Variants in MSH3 observed in about 807,000 individuals in gnomAD.
MSH3 encodes the protein mutS homolog 3.
Under a neutral mutation model 123.3 loss-of-function variants are expected in MSH3, and 106 were observed. The ratio of observed to expected loss-of-function variants is 0.86; its 90% CI spans 0.73 to 1.01. MSH3 has a LOEUF of 1.01. Among genes scored for constraint, MSH3 ranks in the 50% least tolerant of loss-of-function variants. MSH3 has a pLI of 0.00. For missense variants in MSH3, 1,459 were observed against 1,347.6 expected (o/e 1.08, Z -1.29); for synonymous variants, 515 against 481.4 (o/e 1.07, Z -0.91).
intron 8 of MSH3, among the ~76,000 whole-genome samples, chr5:80,708,121 G>A (rs1157601197): frequency 6.6e-6 from 1 of 152,106 alleles, no homozygotes. Context: ...TATGACCTTG[G>A]AACAACAGAA....
Position 80,748,093 on chromosome 5 carries a change from G to A in MSH3, c.1763+3478G>A, listed in dbSNP as rs551422768. Among the ~76,000 whole-genome samples the A allele has an allele frequency of 3.3e-5, 5 of 152,264 alleles. No homozygotes were observed. The East Asian group carries it at 7.7e-4, about 23-fold the overall frequency. On this transcript the variant is annotated intron_variant, in intron 12 of 23. Transcript: ENST00000265081. ...TCTGGTTTTCTTCTACAGTGAGATCGTAGAACAAATAATGGATGACGAGGG... is the reference window on the plus strand; with the variant it reads ...TCTGGTTTTCTTCTACAGTGAGATCATAGAACAAATAATGGATGACGAGGG...
intron 12 of MSH3, among the ~76,000 whole-genome samples, chr5:80,747,086 G>A (rs1743734816): frequency 6.6e-6 from 1 of 152,206 alleles, no homozygotes; most frequent in South Asian, 2.1e-4. Context: ...AGCAGACCTT[G>A]TAGAGCAGAC....
At position 80,783,880 on chromosome 5, in the gene MSH3, G is replaced by A. The variant is rs576092890; in HGVS notation, c.2436-3685G>A. Among the ~76,000 whole-genome samples, 8 of 152,202 alleles carry A rather than the reference G, an allele frequency of 5.3e-5. No homozygotes were observed. In the South Asian group the frequency reaches 1.0e-3, roughly 20 times the overall value. ...AGTAATTAGAACAAAGACAGCATAC[G>A]CCACAGTGCAAGAGGGCAACAAGTG... On this transcript the variant is annotated intron_variant, in intron 17 of 23. Coordinates refer to ENST00000265081, the MANE Select transcript of MSH3 (RefSeq NM_002439.5).
At chr5:80,660,443 A>T (rs1175968286) in intron 2 of MSH3, among the ~76,000 whole-genome samples, 1 of 152,142 alleles carries the variant, frequency 6.6e-6, no homozygotes, top group Admixed American at 6.5e-5. Context: ...CCCTACCACA[A>T]CACGTGGGAA....
intron 20 of MSH3, among the ~76,000 whole-genome samples, chr5:80,826,447 T>C (rs2112072603): frequency 6.6e-6 from 1 of 152,278 alleles, no homozygotes; most frequent in East Asian, 1.9e-4. Context: ...TTTAAATCTG[T>C]GGATTCCATA....
Position 80,654,961 on chromosome 5 carries a change from C to G in MSH3, c.234C>G (p.His78Gln), listed in dbSNP as rs1416322705. ...APAFPPQLPP[H>Q]IATEIDRRKK... ...CCTTCCCGCCCCAGCTGCCGCCGCA[C>G]ATAGTAGGTTCTGTCTGGGACTGGG... Residue 78 changes from histidine (H) to glutamine (Q), a missense_variant, in exon 1 of 24, where the codon CAC (histidine) becomes CAG (glutamine). Transcript: ENST00000265081. 6.8e-7 allele frequency: 1 copy of G among 1,475,340 alleles called. No individual in the cohort carries two copies. Among genetic ancestry groups the G allele is most frequent in the Non-Finnish European group, 9.0e-7 (1 of 1,113,644 alleles). The allele number at this position is 1,475,340 out of a possible 1,614,324, so 91.4% of individuals were successfully genotyped here.
chr5:80,655,788 A>G (rs1749267327), intron 1 of MSH3, among the ~76,000 whole-genome samples: 1 of 152,168 alleles, frequency 6.6e-6, no homozygotes, highest in South Asian at 2.1e-4. Context: ...CTCCCTTAAA[A>G]TGATTACTCC....
At position 80,654,723 on chromosome 5, in the gene MSH3, C is replaced by G. The variant is rs781771195; in HGVS notation, c.-5C>G. ...CTGCCGCCGGGCTGCCATCCTTGCC[C>G]TGCCATGTCTCGCCGGAAGCCTGCG... is the stretch of plus-strand genomic sequence containing the variant. On this transcript the variant is annotated 5_prime_UTR_variant, in exon 1 of 24. Transcript: ENST00000265081. 1.9e-6 allele frequency: 3 copies of G among 1,596,048 alleles called. No homozygotes were observed. Among genetic ancestry groups the G allele is most frequent in the Non-Finnish European group, 2.6e-6 (3 of 1,173,600 alleles).
At chr5:80,736,289 A>G (rs2112863444) in intron 10 of MSH3, among the ~76,000 whole-genome samples, 1 of 151,342 alleles carries the variant, frequency 6.6e-6, no homozygotes, top group East Asian at 1.9e-4. Context: ...AGACACTAAG[A>G]AAATGATACT....
Position 80,679,066 on chromosome 5 carries a change from C to T in MSH3, c.1313C>T (p.Ala438Val), listed in dbSNP as rs35121792. 559 of 1,613,994 alleles carry T rather than the reference C, an allele frequency of 3.5e-4. 5 individuals are homozygous for T. The African/African-American group carries it at 4.6e-3, about 13-fold the overall frequency. The change falls in exon 8 of 24, where the codon GCG becomes GTG. Residue 438 changes from alanine (A) to valine (V), a missense_variant. Physicochemically the swap from Ala to Val is moderately conservative, Grantham distance 64. Transcript: ENST00000265081. ...TCGGCCTTGTCCGAGCAAACAGAGG[C>T]GCTCATCCACAGAGCCACATCTGTT... ...LPSALSEQTE[A>V]LIHRATSVSV... is the part of the protein sequence containing the mutation.
chr5:80,815,532 G>C (rs1745085884), intron 20 of MSH3, among the ~76,000 whole-genome samples: 1 of 152,128 alleles, frequency 6.6e-6, no homozygotes, highest in Non-Finnish European at 1.5e-5. Context: ...GCTGGAGGTG[G>C]GTAGCTACTT....
chr5:80,814,217 A>G (rs983031440), intron 20 of MSH3, among the ~76,000 whole-genome samples: 2 of 151,988 alleles, frequency 1.3e-5, no homozygotes, highest in African/African-American at 4.8e-5. Flanking sequence ...TTAAGAGTTA[A>G]TTTTGTCCAA....
intron 8 of MSH3, among the ~76,000 whole-genome samples, chr5:80,722,830 C>T (rs1007513477): frequency 3.9e-5 from 6 of 152,146 alleles, no homozygotes; most frequent in Admixed American, 1.3e-4. Context: ...AAGGGCTGGG[C>T]GCAATGGCTC....
At chr5:80,821,231 GT>G (rs1274941647) in intron 20 of MSH3, among the ~76,000 whole-genome samples, 1 of 152,124 alleles carries the variant, frequency 6.6e-6, no homozygotes, top group Non-Finnish European at 1.5e-5. Flanking sequence ...TTTGGACTCA[GT>G]TATTTCAGTG....
At chr5:80,777,424 A>T (rs1242927957) in intron 16 of MSH3, among the ~76,000 whole-genome samples, 1 of 152,118 alleles carries the variant, frequency 6.6e-6, no homozygotes, top group Admixed American at 6.6e-5. Context: ...AATATGCATT[A>T]TGAAGAGAAA....
At chr5:80,660,505 A>AT (rs1307380664) in intron 2 of MSH3, among the ~76,000 whole-genome samples, 1 of 152,186 alleles carries the variant, frequency 6.6e-6, no homozygotes, top group African/African-American at 2.4e-5. Context: ...CAGTCAAACT[A>AT]TATCACATTG....
intron 20 of MSH3, among the ~76,000 whole-genome samples, chr5:80,824,395 C>T (rs1445807433): frequency 6.7e-6 from 1 of 149,320 alleles, no homozygotes; most frequent in African/African-American, 2.5e-5. Context: ...AGGACGGGGG[C>T]TGCCCCCCAC....
intron 2 of MSH3, among the ~76,000 whole-genome samples, chr5:80,663,600 TTATAG>T (rs1163683360): frequency 3.9e-5 from 6 of 152,090 alleles, no homozygotes; most frequent in Admixed American, 2.0e-4. Context: ...ACATACACAC[TTATAG>T]TATATTTTTG....
intron 8 of MSH3, among the ~76,000 whole-genome samples, chr5:80,715,641 G>A (rs1291304719): frequency 6.6e-6 from 1 of 152,074 alleles, no homozygotes; most frequent in Non-Finnish European, 1.5e-5. Context: ...GGTTCCATAG[G>A]CTGCACAGGA....
Sources: allele counts gnomAD v4.1 joint callset (sites outside exome capture counted in the v4.1 genomes callset), GRCh38; gene constraint gnomAD v4.1.1; transcripts MANE v1.5; gene names NCBI Gene and HGNC (gene_info 2026-07-23, HGNC 2026-07-21).